The following HACE1 variants were observed in gnomAD, a reference collection of about 807,000 sequenced individuals.
HACE1 encodes HECT domain and ankyrin repeat containing E3 ubiquitin protein ligase 1.
In HACE1, 73 loss-of-function variants were observed where a neutral mutation model predicts 118.4. The observed-to-expected ratio is 0.62, with a 90% CI of 0.51 to 0.75. The LOEUF (loss-of-function observed/expected upper bound fraction) is 0.75, where lower values mean the gene tolerates loss of function less well. Among genes scored for constraint, HACE1 ranks in the 30% least tolerant of loss-of-function variants. HACE1 has a pLI of 0.00. For missense variants in HACE1, 749 were observed against 1,102.2 expected (o/e 0.68, Z 4.54); for synonymous variants, 368 against 374.8 (o/e 0.98, Z 0.21).
At chr6:104,809,995 C>G (rs1771428914) in intron 7 of HACE1, among the ~76,000 whole-genome samples, 1 of 151,928 alleles carries the variant, frequency 6.6e-6, no homozygotes, top group Non-Finnish European at 1.5e-5. Context: ...AAATCTGAAG[C>G]TGTATTTTGA....
At chr6:104,771,072 A>C in intron 19 of HACE1, 121 bp downstream of exon 19, 1 of 697,086 alleles carries the variant, frequency 1.4e-6, no homozygotes, top group East Asian at 2.6e-5. Flanking sequence ...TAAACGTTTT[A>C]TCTGCTATGA....
intron 10 of HACE1, among the ~76,000 whole-genome samples, chr6:104,794,149 G>A (rs1023216378): frequency 6.6e-6 from 1 of 152,064 alleles, no homozygotes; most frequent in Non-Finnish European, 1.5e-5. Flanking sequence ...ATGTAAAATG[G>A]AGATAACATC....
At chr6:104,731,647 A>G (rs1352143387) in intron 22 of HACE1, 1 of 152,096 alleles carries the variant, frequency 6.6e-6, no homozygotes, top group Non-Finnish European at 1.5e-5. Context: ...GTGTGTTGGG[A>G]AAACCGGATA....
At chr6:104,772,123 A>C in intron 17 of HACE1, 49 bp from the exon 18 acceptor site, 2 of 1,051,926 alleles carry the variant, frequency 1.9e-6, no homozygotes, top group Non-Finnish European at 2.9e-6. Context: ...CTATATGCAG[A>C]AGAAAGATTA....
At position 104,823,246 on chromosome 6, in the gene HACE1, C is replaced by T. The variant is rs149937663; in HGVS notation, c.534+9796G>A. On this transcript the variant is annotated intron_variant, in intron 6 of 23. Transcript: ENST00000262903. Reference sequence around the variant, plus strand: ...GTCAGGAGTTCAAGATCAGCCTGGCCAACATGGTGAAACACTGTCTCTACT... The same window carrying T: ...GTCAGGAGTTCAAGATCAGCCTGGCTAACATGGTGAAACACTGTCTCTACT... Among the ~76,000 whole-genome samples, 333 of 152,164 alleles carry T rather than the reference C, an allele frequency of 2.2e-3. 3 individuals are homozygous for T. Among genetic ancestry groups the T allele is most frequent in the Non-Finnish European group, 2.6e-3 (175 of 67,992 alleles).
chr6:104,730,581 T>C (rs1394354197), intron 22 of HACE1, 165 bp from the exon 23 acceptor site: 1 of 617,368 alleles, frequency 1.6e-6, no homozygotes, highest in Non-Finnish European at 2.9e-6. Context: ...AGTTGCTTTG[T>C]GATTAGTTAG....
At chr6:104,810,529 T>C (rs919786453) in intron 7 of HACE1, among the ~76,000 whole-genome samples, 3 of 152,100 alleles carry the variant, frequency 2.0e-5, no homozygotes, top group Admixed American at 2.0e-4. Context: ...ATTACTATAG[T>C]ATTCTATAAC....
chr6:104,830,756 TTC>T (rs1773777743), intron 6 of HACE1, among the ~76,000 whole-genome samples: 1 of 113,542 alleles, frequency 8.8e-6, no homozygotes, highest in East Asian at 2.3e-4. Context: ...ATAAATTACA[TTC>T]TTTTTTTTTT....
intron 22 of HACE1, among the ~76,000 whole-genome samples, chr6:104,743,365 T>C (rs980465147): frequency 6.6e-6 from 1 of 151,904 alleles, no homozygotes; most frequent in East Asian, 1.9e-4. Context: ...TTCACTATTA[T>C]GCTTTTTAAA....
intron 5 of HACE1, among the ~76,000 whole-genome samples, chr6:104,838,363 C>G (rs573866189): frequency 6.6e-6 from 1 of 152,012 alleles, no homozygotes; most frequent in African/African-American, 2.4e-5. Context: ...AACAGACACA[C>G]AGACCAATGG....
intron 7 of HACE1, among the ~76,000 whole-genome samples, chr6:104,807,420 C>A (rs1301777891): frequency 6.6e-6 from 1 of 152,138 alleles, no homozygotes; most frequent in African/African-American, 2.4e-5. Flanking sequence ...TAAATCTTAG[C>A]CCTTTCTGTC....
Position 104,784,965 on chromosome 6 carries a change from A to G in HACE1, c.1409+20T>C, listed in dbSNP as rs780344934. ...TCATCTATCAGAGAAAAAAAAAATA[A>G]TAAGCCAAAACTTTCTTACCCCGGA... On this transcript the variant is annotated intron_variant, in intron 12 of 23. Transcript: ENST00000262903. 3.2e-6 allele frequency: 5 copies of G among 1,543,916 alleles called. No homozygotes were observed. In the Admixed American group the frequency reaches 5.1e-5, roughly 16 times the overall value.
intron 22 of HACE1, among the ~76,000 whole-genome samples, chr6:104,737,496 C>T (rs7767985): frequency 2.5e-3 from 386 of 152,176 alleles, no homozygotes; most frequent in African/African-American, 8.9e-3. Flanking sequence ...CGAAGCAGGG[C>T]GAGGCATTGC....
chr6:104,812,641 GGA>G (rs576119731), intron 6 of HACE1, among the ~76,000 whole-genome samples: 105 of 152,082 alleles, frequency 6.9e-4, no homozygotes, highest in Admixed American at 6.9e-3. Flanking sequence ...GCAAGCAAAT[GGA>G]GAAATAGTAA....
At chr6:104,802,061 G>T (rs900419611) in intron 7 of HACE1, among the ~76,000 whole-genome samples, 1 of 149,774 alleles carries the variant, frequency 6.7e-6, no homozygotes. Flanking sequence ...AGCAGGGGTT[G>T]CAATCCAGGT....
rs190904663 is a variant in HACE1 at position 104,847,783 on chromosome 6, A to G, written c.326+1359T>C. Among the ~76,000 whole-genome samples the G allele has an allele frequency of 8.5e-5, 13 of 152,126 alleles. No homozygotes were observed. The East Asian group carries it at 2.5e-3, about 30-fold the overall frequency. On this transcript the variant is annotated intron_variant, in intron 4 of 23. Coordinates refer to ENST00000262903, the MANE Select transcript of HACE1 (RefSeq NM_020771.4). ...AAAAAAAGACACAACGCATTTGTAT[A>G]CCGTGTCCATAGAGAAGTTTTTTGG...
intron 5 of HACE1, among the ~76,000 whole-genome samples, chr6:104,833,802 T>C (rs1774247204): frequency 6.6e-6 from 1 of 152,032 alleles, no homozygotes; most frequent in Non-Finnish European, 1.5e-5. Flanking sequence ...TTGGCCGACA[T>C]GGTGAAACCT....
At chr6:104,772,125 G>A in intron 17 of HACE1, 51 bp from the exon 18 acceptor site, 2 of 1,033,206 alleles carry the variant, frequency 1.9e-6, no homozygotes, top group East Asian at 5.2e-5. Context: ...ATATGCAGAA[G>A]AAAGATTACT....
intron 10 of HACE1, among the ~76,000 whole-genome samples, chr6:104,792,107 T>A (rs548157446): frequency 4.1e-4 from 62 of 152,340 alleles, no homozygotes; most frequent in African/African-American, 1.5e-3. Context: ...ACTCTGCCAC[T>A]ATATCCATAA....
Sources: allele counts gnomAD v4.1 joint callset (sites outside exome capture counted in the v4.1 genomes callset), GRCh38; gene constraint gnomAD v4.1.1; transcripts MANE v1.5; gene names NCBI Gene and HGNC (gene_info 2026-07-23, HGNC 2026-07-21).